The following TMEM74 variants were observed in gnomAD, a reference collection of about 807,000 sequenced individuals.
TMEM74 encodes transmembrane protein 74.
In TMEM74, 13 loss-of-function variants were observed where a neutral mutation model predicts 18.1. The observed-to-expected ratio is 0.72, with a 90% CI of 0.47 to 1.14. The LOEUF is 1.14. Among genes scored for constraint, TMEM74 ranks in the 50% most tolerant of loss-of-function variants. The probability of loss-of-function intolerance (pLI) is 0.00; values close to 1 mark genes in which losing one functional copy is unlikely to be tolerated. For missense variants in TMEM74, 372 were observed against 375.9 expected (o/e 0.99, Z 0.09); for synonymous variants, 159 against 146.6 (o/e 1.08, Z -0.61).
At chr8:108,629,156 A>G (rs1812525556) in intron 2 of TMEM74, among the ~76,000 whole-genome samples, 1 of 152,100 alleles carries the variant, frequency 6.6e-6, no homozygotes, top group Non-Finnish European at 1.5e-5. Flanking sequence ...GATGGAGCTG[A>G]AAAACACAGC....
intron 1 of TMEM74, among the ~76,000 whole-genome samples, chr8:108,702,942 A>C (rs1471001403): frequency 1.3e-5 from 2 of 150,660 alleles, no homozygotes; most frequent in Admixed American, 1.3e-4. Flanking sequence ...AAAAAAAAAG[A>C]AGCAGAAGAA....
At chr8:108,707,747 G>A (rs1175569760) in intron 1 of TMEM74, among the ~76,000 whole-genome samples, 1 of 152,076 alleles carries the variant, frequency 6.6e-6, no homozygotes, top group East Asian at 1.9e-4. Flanking sequence ...ATCTTAGAAG[G>A]AAACATAGGG....
At chr8:108,607,939 G>T (rs968733300) in intron 3 of TMEM74, among the ~76,000 whole-genome samples, 1 of 152,140 alleles carries the variant, frequency 6.6e-6, no homozygotes, top group Admixed American at 6.5e-5. Context: ...GTATGTGTAT[G>T]TGTGCACATG....
In TMEM74 at chr8:108,710,138, A is replaced by C. The variant is rs972583412; in HGVS notation, n.120-54701T>G. 2.6e-5 allele frequency among the ~76,000 whole-genome samples: 4 copies of C among 152,352 alleles called. No homozygotes were observed. The East Asian group carries it at 5.8e-4, about 22-fold the overall frequency. ...GCATCATAAGGTGCCTAGCACACTG[A>C]CTGGCATGCAGCAAAAGCTTAACAA... On this transcript the variant is annotated intron_variant and non_coding_transcript_variant, in intron 1 of 3. Coordinates refer to the TMEM74 transcript ENST00000518838.
intron 1 of TMEM74, among the ~76,000 whole-genome samples, chr8:108,690,164 T>A (rs1447104365): frequency 6.6e-6 from 1 of 152,056 alleles, no homozygotes; most frequent in Non-Finnish European, 1.5e-5. Flanking sequence ...ATTTTAAAAG[T>A]CAGAGCCAGG....
At chr8:108,661,807 G>T (rs947866968) in intron 1 of TMEM74, among the ~76,000 whole-genome samples, 4 of 152,052 alleles carry the variant, frequency 2.6e-5, no homozygotes, top group Admixed American at 2.6e-4. Context: ...ATTAGCCAGG[G>T]AACAGGAGGA....
At chr8:108,634,657 C>T (rs1237756852) in intron 2 of TMEM74, among the ~76,000 whole-genome samples, 2 of 151,974 alleles carry the variant, frequency 1.3e-5, no homozygotes, top group African/African-American at 2.4e-5. Context: ...CTAAGAAAAC[C>T]GAGACCACTG....
In TMEM74 at chr8:108,782,552, C is replaced by G. The variant is rs771545991; in HGVS notation, c.*1629G>C. ...AGCATACCTCACTCATCAAATCAATCTGACACCCATGAGAGCTCATCCACA... is the reference window on the plus strand; with the variant it reads ...AGCATACCTCACTCATCAAATCAATGTGACACCCATGAGAGCTCATCCACA... On this transcript the variant is annotated 3_prime_UTR_variant, in exon 2 of 2. Coordinates refer to ENST00000297459, the MANE Select transcript of TMEM74 (RefSeq NM_153015.3). Among the ~76,000 whole-genome samples the G allele has an allele frequency of 2.0e-5, 3 of 152,198 alleles. No homozygotes were observed. The South Asian group carries it at 6.2e-4, about 31-fold the overall frequency.
At position 108,781,464 on chromosome 8, in the gene TMEM74, A is replaced by G. The variant is rs1359814966; in HGVS notation, c.*2717T>C. On this transcript the variant is annotated 3_prime_UTR_variant, in exon 2 of 2. Coordinates refer to ENST00000297459, the MANE Select transcript of TMEM74 (RefSeq NM_153015.3). The stretch of plus-strand genomic sequence containing the variant: ...TAAATTCAAGTAATCTTCATATTGA[A>G]TTCAGGCAGGATGGATAAGGGCTAC... 6.6e-6 allele frequency among the ~76,000 whole-genome samples: 1 copy of G among 152,180 alleles called. No homozygotes were observed. The highest frequency in any genetic ancestry group is 1.5e-5 in the Non-Finnish European group (1 of 68,028).
At chr8:108,720,368 T>C (rs1019153836) in intron 1 of TMEM74, among the ~76,000 whole-genome samples, 13 of 152,192 alleles carry the variant, frequency 8.5e-5, no homozygotes, top group Non-Finnish European at 1.6e-4. Context: ...GACAGTATTG[T>C]GGGAAATGGT....
chr8:108,758,029 T>C (rs1013758610), intron 1 of TMEM74, among the ~76,000 whole-genome samples: 8 of 152,072 alleles, frequency 5.3e-5, no homozygotes, highest in African/African-American at 1.4e-4. Flanking sequence ...CAGACAGTTA[T>C]GCAGATGCTT....
chr8:108,707,590 A>C (rs1281441561), intron 1 of TMEM74, among the ~76,000 whole-genome samples: 1 of 152,216 alleles, frequency 6.6e-6, no homozygotes, highest in African/African-American at 2.4e-5. Context: ...TACACGATGG[A>C]AAAAGGATAG....
At chr8:108,648,172 T>C (rs1048722892) in intron 2 of TMEM74, among the ~76,000 whole-genome samples, 1 of 152,072 alleles carries the variant, frequency 6.6e-6, no homozygotes, top group Admixed American at 6.6e-5. Flanking sequence ...AGAGGTGGGG[T>C]ATATTTTTCT....
chr8:108,621,483 C>A (rs939958046), intron 2 of TMEM74, among the ~76,000 whole-genome samples: 1 of 152,230 alleles, frequency 6.6e-6, no homozygotes, highest in Non-Finnish European at 1.5e-5. Flanking sequence ...TGGGAAGTTG[C>A]CCATTTTTTT....
intron 2 of TMEM74, among the ~76,000 whole-genome samples, chr8:108,609,213 A>G (rs888602970): frequency 2.0e-5 from 3 of 152,340 alleles, no homozygotes; most frequent in East Asian, 1.9e-4. Context: ...ATGAGGTAAG[A>G]TGTATTGGTA....
chr8:108,613,388 C>T (rs1812353907), intron 2 of TMEM74, among the ~76,000 whole-genome samples: 1 of 152,214 alleles, frequency 6.6e-6, no homozygotes, highest in South Asian at 2.1e-4. Flanking sequence ...CCCATGTGTG[C>T]CCACTGGCAT....
downstream of TMEM74, among the ~76,000 whole-genome samples, chr8:108,775,100 G>A (rs576530706): frequency 6.6e-5 from 10 of 152,228 alleles, no homozygotes; most frequent in East Asian, 1.9e-3. Context: ...ATGGAACAAG[G>A]ACATGATAAC....
At chr8:108,753,816 C>T (rs543918088) in intron 1 of TMEM74, among the ~76,000 whole-genome samples, 1 of 151,980 alleles carries the variant, frequency 6.6e-6, no homozygotes, top group Non-Finnish European at 1.5e-5. Context: ...GCTCTTTGTT[C>T]CTCTACTCCT....
chr8:108,737,739 A>G (rs1367436462), intron 1 of TMEM74, among the ~76,000 whole-genome samples: 1 of 152,176 alleles, frequency 6.6e-6, no homozygotes, highest in Non-Finnish European at 1.5e-5. Context: ...TATAATAAAA[A>G]TTCAGTAGAG....
Sources: gnomAD v4.1 joint callset for allele counts (sites outside exome capture counted in the v4.1 genomes callset) on GRCh38, gnomAD v4.1.1 for gene constraint, MANE v1.5 for transcripts, NCBI Gene and HGNC (gene_info 2026-07-23, HGNC 2026-07-21) for gene names.